Variants in COL5A1 observed in about 807,000 individuals in gnomAD.
COL5A1 encodes collagen type V alpha 1 chain.
In COL5A1, 16 loss-of-function variants were observed where a neutral mutation model predicts 263.7. The ratio of observed to expected loss-of-function variants is 0.06; its 90% CI spans 0.04 to 0.09. The LOEUF (loss-of-function observed/expected upper bound fraction) is 0.09, where lower values mean the gene tolerates loss of function less well. Among genes scored for constraint, COL5A1 ranks in the 10% least tolerant of loss-of-function variants. The probability of loss-of-function intolerance (pLI) is 1.00; values close to 1 mark genes in which losing one functional copy is unlikely to be tolerated. For synonymous variants in COL5A1, 1,012 were observed against 1,004.5 expected (o/e 1.01, Z -0.14); for missense variants, 2,036 against 2,540.5 (o/e 0.80, Z 4.27).
intron 64 of COL5A1, chr9:134,832,611 C>G (rs1839684199): frequency 6.6e-6 from 1 of 152,216 alleles, no homozygotes; most frequent in East Asian, 1.9e-4. Context: ...GGCTTCAGGT[C>G]CTTCTGTGTC....
intron 26 of COL5A1, 72 bp from the exon 27 acceptor site, chr9:134,774,785 CTG>C: frequency 6.7e-7 from 1 of 1,493,140 alleles, no homozygotes; most frequent in Non-Finnish European, 9.2e-7. Flanking sequence ...ATGCCGAACT[CTG>C]GAGTTTCCTG....
At chr9:134,760,209 ACACATGCACACAC>A (rs1457649005) in intron 18 of COL5A1, among the ~76,000 whole-genome samples, 2 of 108,054 alleles carry the variant, frequency 1.9e-5, no homozygotes, top group South Asian at 3.1e-4. Flanking sequence ...ACACTCATAC[ACACATGCACACAC>A]CACATGCACA....
chr9:134,768,243 C>T (rs1240139371), intron 24 of COL5A1, among the ~76,000 whole-genome samples, 167 bp from the exon 25 acceptor site: 2 of 152,220 alleles, frequency 1.3e-5, no homozygotes, highest in Non-Finnish European at 2.9e-5. Context: ...TCCTCCTGGG[C>T]GCTACCGTGG....
chr9:134,716,040 G>A lies in COL5A1; in HGVS notation c.655-11226G>A, dbSNP rs1246907475. Among the ~76,000 whole-genome samples, 1 of 152,016 alleles carries A rather than the reference G, an allele frequency of 6.6e-6. No individual in the cohort carries two copies. The highest frequency in any genetic ancestry group is 1.5e-5 in the Non-Finnish European group (1 of 67,974). ...AGTAGTGTGTTGGTTCTATGGTTTT[G>A]GTGCTGGTAGCACTGCTGGTGGTGG... On this transcript the variant is annotated intron_variant, in intron 4 of 65. Coordinates refer to ENST00000371817, the MANE Select transcript of COL5A1 (RefSeq NM_000093.5). This position sits in a 1 kb window ranked among gnomAD's most constrained non-coding sequence, Gnocchi z 4.5.
chr9:134,784,955 G>GGCA (rs376936600), intron 29 of COL5A1, 34 bp from the exon 30 acceptor site: 25 of 1,501,990 alleles, frequency 1.7e-5, no homozygotes, highest in Middle Eastern at 1.7e-4. Flanking sequence ...TGTGCGGGGG[G>GGCA]TGGTCTTCTC....
chr9:134,789,101 G>A lies in COL5A1; in HGVS notation c.2647-54G>A. 1 of 1,547,982 alleles carries A rather than the reference G, an allele frequency of 6.5e-7. No homozygotes were observed. The highest frequency in any genetic ancestry group is 8.9e-7 in the Non-Finnish European group (1 of 1,122,466). On this transcript the variant is annotated intron_variant, in intron 31 of 65. Coordinates refer to ENST00000371817, the MANE Select transcript of COL5A1 (RefSeq NM_000093.5). The surrounding 1 kb of genome is among the most constrained non-coding windows in gnomAD (Gnocchi z 4.8). ...GGTGGTCCCCCAGGCGGCCCATGCA[G>A]CATGACTCATTCCTGGCCCAGCTCT...
chr9:134,738,413 G>T, intron 9 of COL5A1, 61 bp from the exon 10 acceptor site: 1 of 1,587,752 alleles, frequency 6.3e-7, no homozygotes, highest in Non-Finnish European at 8.6e-7. Context: ...CACACCACTG[G>T]GGTCTGGGGT....
rs1302091849 is a variant in COL5A1 at position 134,767,445 on chromosome 9, C to G, written c.2232+91C>G. On this transcript the variant is annotated intron_variant, in intron 24 of 65. Transcript: ENST00000371817. ...TGGGAGGACCCCTGGTATCCACCAGCTCTCAATGTATATCTTGGTGCTCCC... is the reference window on the plus strand; with the variant it reads ...TGGGAGGACCCCTGGTATCCACCAGGTCTCAATGTATATCTTGGTGCTCCC... The G allele has an allele frequency of 5.0e-6, 6 of 1,211,906 alleles. No individual in the cohort carries two copies. In the East Asian group the frequency reaches 1.4e-4, roughly 29 times the overall value. 75.1% of individuals were successfully genotyped at this position (1,211,906 alleles called of 1,614,324 possible).
chr9:134,730,458 A>C lies in COL5A1; in HGVS notation c.1147A>C (p.Thr383Pro). 1 of 1,613,936 alleles carries C rather than the reference A, an allele frequency of 6.2e-7. No homozygotes were observed. Among genetic ancestry groups the C allele is most frequent in the Non-Finnish European group, 8.5e-7 (1 of 1,179,990 alleles). ...GAEIPTSTAD[T>P]SNSSNPAPPP... is the part of the protein sequence containing the mutation. The stretch of plus-strand genomic sequence containing the variant: ...CGAAATTCCCACCAGCACCGCCGAC[A>C]CCTCCAACTCCTCCAATGTAATTTC... The change falls in exon 7 of 66, where the codon ACC (threonine) becomes CCC (proline). Residue 383 changes from threonine to proline, a missense_variant. Around this residue, in one of 3 missense-constraint regions of COL5A1, gnomAD observed 600 missense variants for 634.5 expected, o/e 0.95. Coordinates refer to ENST00000371817, the MANE Select transcript of COL5A1 (RefSeq NM_000093.5).
At chr9:134,759,907 A>AC (rs1421251614) in intron 18 of COL5A1, among the ~76,000 whole-genome samples, 1 of 82,096 alleles carries the variant, frequency 1.2e-5, no homozygotes, top group African/African-American at 5.7e-5. Context: ...ACACCCATGC[A>AC]CCCCCACACT....
At chr9:134,766,336 C>T (rs1429969449) in intron 21 of COL5A1, 118 bp from the exon 22 acceptor site, 6 of 968,140 alleles carry the variant, frequency 6.2e-6, no homozygotes, top group African/African-American at 3.2e-5. Context: ...GAGAGCATCC[C>T]GTCCTCTGAT....
At position 134,642,332 on chromosome 9, in the gene COL5A1, G is replaced by A; in HGVS notation, c.109+36G>A. The A allele has an allele frequency of 6.9e-6, 4 of 575,852 alleles. No homozygotes were observed. The highest frequency in any genetic ancestry group is 9.6e-6 in the Non-Finnish European group (4 of 417,370). The allele number at this position is 575,852 out of a possible 1,614,324, so 35.7% of individuals were successfully genotyped here. On this transcript the variant is annotated intron_variant, in intron 1 of 65. Coordinates refer to ENST00000371817, the MANE Select transcript of COL5A1 (RefSeq NM_000093.5). The surrounding 1 kb of genome is among the most constrained non-coding windows in gnomAD (Gnocchi z 4.5). ...CCCGGGGCGCGGGGCTGCGGGATGG[G>A]GCGCGCGCAGCCCGGGCGCCGCTGT...
At chr9:134,835,438 G>T (rs1309926652) in intron 65 of COL5A1, among the ~76,000 whole-genome samples, 2 of 152,228 alleles carry the variant, frequency 1.3e-5, no homozygotes, top group East Asian at 3.9e-4. Context: ...GGAAATCTGA[G>T]ACCTGGCCGG....
In COL5A1 at chr9:134,808,710, T is replaced by C. The variant is rs920606584; in HGVS notation, c.3367-473T>C. Among the ~76,000 whole-genome samples, 7 of 152,184 alleles carry C rather than the reference T, an allele frequency of 4.6e-5. No individual in the cohort carries two copies. The East Asian group carries it at 9.7e-4, about 21-fold the overall frequency. ...TGCACATGTGTGTGCGTACATGTCT[T>C]CATGTGTGAGCATGCATGTCCTTGT... is the stretch of plus-strand genomic sequence containing the variant. On this transcript the variant is annotated intron_variant, in intron 42 of 65. Coordinates refer to ENST00000371817, the MANE Select transcript of COL5A1 (RefSeq NM_000093.5).
chr9:134,784,270 T>C (rs1450355171), intron 29 of COL5A1, among the ~76,000 whole-genome samples: 2 of 152,242 alleles, frequency 1.3e-5, no homozygotes, highest in Non-Finnish European at 2.9e-5. Context: ...CACATTTCTG[T>C]TGTGGGCTTG....
At position 134,774,625 on chromosome 9, in the gene COL5A1, G is replaced by A. The variant is rs146703188; in HGVS notation, c.2332-234G>A. Among the ~76,000 whole-genome samples the A allele has an allele frequency of 5.5e-3, 831 of 152,278 alleles. 5 individuals carry two copies. Among genetic ancestry groups the A allele is most frequent in the Middle Eastern group, 0.014 (4 of 294 alleles). On this transcript the variant is annotated intron_variant, in intron 26 of 65. Coordinates refer to ENST00000371817, the MANE Select transcript of COL5A1 (RefSeq NM_000093.5). Reference sequence around the variant, plus strand: ...CCCTGACTGCCGGGGTGGGGCCAGCGTTTGCTTCACCTCTGTGTCCCGCTC... The same window carrying A: ...CCCTGACTGCCGGGGTGGGGCCAGCATTTGCTTCACCTCTGTGTCCCGCTC...
At position 134,691,086 on chromosome 9, in the gene COL5A1, G is replaced by T; in HGVS notation, c.277+7G>T. The T allele has an allele frequency of 2.5e-6, 4 of 1,612,666 alleles. No homozygotes were observed. Among genetic ancestry groups the T allele is most frequent in the Non-Finnish European group, 3.4e-6 (4 of 1,180,032 alleles). The stretch of plus-strand genomic sequence containing the variant: ...ACCAAGCAGCTGTACCCTGGTAAGT[G>T]CCGCACCCTTCTGTTTGGGGCGGTG... On this transcript the variant is annotated splice_region_variant and intron_variant, in intron 2 of 65. Coordinates refer to ENST00000371817, the MANE Select transcript of COL5A1 (RefSeq NM_000093.5).
At chr9:134,711,821 T>C (rs1834051926) in intron 4 of COL5A1, among the ~76,000 whole-genome samples, 1 of 151,942 alleles carries the variant, frequency 6.6e-6, no homozygotes, top group Non-Finnish European at 1.5e-5. Context: ...CAGTCACATC[T>C]CCTGTGTCCC....
Position 134,652,380 on chromosome 9 carries a change from G to A in COL5A1, c.109+10084G>A, listed in dbSNP as rs1452664513. Among the ~76,000 whole-genome samples, 1 of 133,262 alleles carries A rather than the reference G, an allele frequency of 7.5e-6. No homozygotes were observed. The highest frequency in any genetic ancestry group is 1.6e-5 in the Non-Finnish European group (1 of 62,836). 87.4% of individuals were successfully genotyped at this position (133,262 alleles called of 152,430 possible). A position where few individuals can be genotyped will look rare whatever the true frequency, so the allele number is the denominator to read the frequency against. On this transcript the variant is annotated intron_variant, in intron 1 of 65. Coordinates refer to ENST00000371817, the MANE Select transcript of COL5A1 (RefSeq NM_000093.5). The surrounding 1 kb of genome is among the most constrained non-coding windows in gnomAD (Gnocchi z 4.4). ...GGGGCAAGGAGATGCCCCAGGTGGA[G>A]CCATCGGGAGAGGGAGAGGGGGTGG...
Sources: allele counts gnomAD v4.1 joint callset (sites outside exome capture counted in the v4.1 genomes callset), GRCh38; gene constraint gnomAD v4.1.1; regional missense constraint gnomAD v4.1.1; non-coding constraint Gnocchi (gnomAD v3.1); transcripts MANE v1.5; gene names NCBI Gene and HGNC (gene_info 2026-07-23, HGNC 2026-07-21).